The following TUT4 variants were observed in gnomAD, a reference collection of about 807,000 sequenced individuals.
The protein encoded by TUT4 is terminal uridylyl transferase 4.
A neutral mutation model predicts 192.2 loss-of-function variants in TUT4; 36 were observed. That is an observed-to-expected ratio of 0.19 (90% CI 0.14 to 0.25). The LOEUF (loss-of-function observed/expected upper bound fraction) is 0.25, where lower values mean the gene tolerates loss of function less well. Among genes scored for constraint, TUT4 ranks in the 10% least tolerant of loss-of-function variants. The probability of loss-of-function intolerance (pLI) is 1.00; values close to 1 mark genes in which losing one functional copy is unlikely to be tolerated. For missense variants in TUT4, 1,493 were observed against 1,957.2 expected, an observed-to-expected ratio of 0.76 and a Z score of 4.47; for synonymous variants, 618 against 666.0, an observed-to-expected ratio of 0.93 and a Z score of 1.11.
At chr1:52,515,070 G>T (rs1401579638) in intron 3 of TUT4, 1 of 152,158 alleles carries the variant, frequency 6.6e-6, no homozygotes, top group African/African-American at 2.4e-5. Context: ...GAGCCACTGG[G>T]CCTGGCCGTG....
intron 9 of TUT4, among the ~76,000 whole-genome samples, chr1:52,483,747 T>C (rs1373094271): frequency 6.6e-6 from 1 of 152,028 alleles, no homozygotes; most frequent in Non-Finnish European, 1.5e-5. Flanking sequence ...GAGGTAGAGG[T>C]TGCAGTGAGC....
In TUT4 at chr1:52,423,869, C is replaced by T; in HGVS notation, c.*66G>A. 2 of 1,587,758 alleles carry T rather than the reference C, an allele frequency of 1.3e-6. No individual in the cohort carries two copies. The highest frequency in any genetic ancestry group is 1.7e-6 in the Non-Finnish European group (2 of 1,167,172). The stretch of plus-strand genomic sequence containing the variant: ...TAACTGACATTGAGGTACGGATACC[C>T]TTGAGACAGCAGGATTGGCTGGTTG... On this transcript the variant is annotated 3_prime_UTR_variant, in exon 30 of 30. Coordinates refer to ENST00000257177, the MANE Select transcript of TUT4 (RefSeq NM_001009881.3).
chr1:52,547,284 A>G (rs974523377), intron 1 of TUT4, among the ~76,000 whole-genome samples: 6 of 151,716 alleles, frequency 4.0e-5, no homozygotes, highest in African/African-American at 1.5e-4. Context: ...CACAACAGGC[A>G]CATGAAGAGA....
chr1:52,494,470 T>A (rs902483770), intron 6 of TUT4, among the ~76,000 whole-genome samples: 6 of 152,160 alleles, frequency 3.9e-5, no homozygotes, highest in Non-Finnish European at 8.8e-5. Flanking sequence ...GGCAGGCGGA[T>A]CACCTGAGGT....
chr1:52,445,027 G>GTA (rs201843353), intron 24 of TUT4, among the ~76,000 whole-genome samples: 4,704 of 132,326 alleles, frequency 0.036, 178 homozygotes, highest in African/African-American at 0.13. Context: ...ATGTATATAT[G>GTA]TGTATATATA....
intron 6 of TUT4, among the ~76,000 whole-genome samples, chr1:52,494,222 T>G (rs1256595105): frequency 6.6e-6 from 1 of 152,174 alleles, no homozygotes; most frequent in East Asian, 1.9e-4. Context: ...GAAAAGGTTC[T>G]GGAATTTCCC....
chr1:52,486,165 C>T (rs1473640037), intron 9 of TUT4, among the ~76,000 whole-genome samples: 2 of 151,990 alleles, frequency 1.3e-5, no homozygotes, highest in East Asian at 1.9e-4. Flanking sequence ...CTAACATTAC[C>T]AGACATCTCA....
chr1:52,474,902 T>C lies in TUT4; in HGVS notation c.2657A>G (p.Asn886Ser), dbSNP rs1471133882. Reference sequence around the variant, plus strand: ...CTGGGTGGGGAGGTTATCATCATCATTAAGGTCAGAAGCATCTTCTGTAGC... The same window carrying C: ...CTGGGTGGGGAGGTTATCATCATCACTAAGGTCAGAAGCATCTTCTGTAGC... ...CKATEDASDL[N>S]DDDNLPTQEL... The change falls in exon 13 of 30, where the codon AAT (asparagine) becomes AGT (serine). Residue 886 changes from asparagine (N) to serine (S), a missense_variant. Physicochemically the swap from Asn to Ser is conservative, Grantham distance 46. Around this residue, in one of 7 missense-constraint regions of TUT4, gnomAD observed 245 missense variants for 218.4 expected, o/e 1.12. Coordinates refer to ENST00000257177, the MANE Select transcript of TUT4 (RefSeq NM_001009881.3). 6.2e-7 allele frequency: 1 copy of C among 1,614,016 alleles called. No individual in the cohort carries two copies. The highest frequency in any genetic ancestry group is 8.5e-7 in the Non-Finnish European group (1 of 1,180,014).
rs375540088 is a variant in TUT4, at chr1:52,471,846, C to T, written c.2878+106G>A. The T allele has an allele frequency of 1.1e-3, 1,387 of 1,252,388 alleles. 1 individual carries two copies. The highest frequency in any genetic ancestry group is 1.3e-3 in the Non-Finnish European group (1,190 of 925,658). 77.6% of individuals were successfully genotyped at this position (1,252,388 alleles called of 1,614,324 possible). ...CTGTGCTTGGGTATCTATTCAAAAA[C>T]CTCTAGCAAAACAAAACGTAAACAA... is the stretch of plus-strand genomic sequence containing the variant. On this transcript the variant is annotated intron_variant, in intron 14 of 29. Transcript: ENST00000257177.
At chr1:52,496,274 CCTTTT>C (rs1223679525) in intron 5 of TUT4, among the ~76,000 whole-genome samples, 4 of 152,152 alleles carry the variant, frequency 2.6e-5, no homozygotes, top group East Asian at 1.9e-4. Flanking sequence ...AAAATTCATT[CCTTTT>C]CTTATCATAG....
chr1:52,423,929 C>G lies in TUT4; in HGVS notation c.*6G>C. On this transcript the variant is annotated 3_prime_UTR_variant, in exon 30 of 30. Coordinates refer to ENST00000257177, the MANE Select transcript of TUT4 (RefSeq NM_001009881.3). ...GGTAGACCAGCTGAAAGAAAATGGA[C>G]TCGCATTACTCCGACACGTTTCCTC... is the stretch of plus-strand genomic sequence containing the variant. 1.2e-6 allele frequency: 2 copies of G among 1,612,670 alleles called. No individual in the cohort carries two copies. Among genetic ancestry groups the G allele is most frequent in the Non-Finnish European group, 1.7e-6 (2 of 1,179,388 alleles).
chr1:52,471,396 T>C (rs1317613944), intron 14 of TUT4, among the ~76,000 whole-genome samples: 1 of 152,240 alleles, frequency 6.6e-6, no homozygotes, highest in Non-Finnish European at 1.5e-5. Flanking sequence ...TTAATCCTGA[T>C]TCCTCTAATC....
intron 20 of TUT4, among the ~76,000 whole-genome samples, chr1:52,447,398 G>A (rs375069462): frequency 9.3e-5 from 14 of 150,424 alleles, no homozygotes; most frequent in East Asian, 5.9e-4. Context: ...GCAGTCAGCC[G>A]AGATCGTGCC....
At chr1:52,527,027 T>G (rs766544181) in intron 1 of TUT4, among the ~76,000 whole-genome samples, 34 of 151,796 alleles carry the variant, frequency 2.2e-4, no homozygotes, top group Non-Finnish European at 4.4e-4. Flanking sequence ...AAACTCCATC[T>G]CAAAGATGGA....
At position 52,526,294 on chromosome 1, in the gene TUT4, G is replaced by A; in HGVS notation, c.-14C>T. 1 of 1,480,000 alleles carries A rather than the reference G, an allele frequency of 6.8e-7. No homozygotes were observed. The allele number at this position is 1,480,000 out of a possible 1,614,324, so 91.7% of individuals were successfully genotyped here. On this transcript the variant is annotated 5_prime_UTR_variant, in exon 2 of 30. Coordinates refer to ENST00000257177, the MANE Select transcript of TUT4 (RefSeq NM_001009881.3). ...AGACTCTTCCATTATTTGAAAATCT[G>A]TTTCTTTCCAATTGTGATATTATAA...
At chr1:52,503,074 C>A (rs1674611283) in intron 4 of TUT4, among the ~76,000 whole-genome samples, 2 of 152,286 alleles carry the variant, frequency 1.3e-5, no homozygotes, top group South Asian at 4.1e-4. Flanking sequence ...ACTACCAAAA[C>A]CATTTTATAC....
At chr1:52,439,163 G>A (rs754937393) in intron 24 of TUT4, among the ~76,000 whole-genome samples, 1 of 151,840 alleles carries the variant, frequency 6.6e-6, no homozygotes, top group Non-Finnish European at 1.5e-5. Flanking sequence ...AGGCTGTAGT[G>A]CATAATGACT....
intron 10 of TUT4, 80 bp downstream of exon 10, chr1:52,481,724 C>A: frequency 6.5e-7 from 1 of 1,541,110 alleles, no homozygotes; most frequent in Non-Finnish European, 8.7e-7. Flanking sequence ...AGAATTCCAG[C>A]TTAAAATGTT....
chr1:52,461,449 G>GAGTC (rs1570551803), intron 18 of TUT4, 64 bp downstream of exon 18: 4 of 1,447,686 alleles, frequency 2.8e-6, no homozygotes, highest in East Asian at 2.3e-5. Context: ...TTTAAACATA[G>GAGTC]AGTCAGTAAT....
Sources: gnomAD v4.1 joint callset for allele counts (sites outside exome capture counted in the v4.1 genomes callset) on GRCh38, gnomAD v4.1.1 for gene constraint, gnomAD v4.1.1 regional missense constraint, MANE v1.5 for transcripts, NCBI Gene and HGNC (gene_info 2026-07-23, HGNC 2026-07-21) for gene names.